STAU2: variants seen among roughly 807,000 people sequenced by gnomAD.
STAU2 encodes double-stranded RNA-binding protein Staufen homolog 2.
Under a neutral mutation model 65.9 loss-of-function variants are expected in STAU2, and 20 were observed. That is an observed-to-expected ratio of 0.30 (90% CI 0.21 to 0.44). The LOEUF (loss-of-function observed/expected upper bound fraction) is 0.44, where lower values mean the gene tolerates loss of function less well. STAU2 is among the 20% of genes least tolerant of loss of function. STAU2 has a pLI of 1.00. For missense variants in STAU2, 558 were observed against 683.9 expected, an observed-to-expected ratio of 0.82 and a Z score of 2.05; for synonymous variants, 232 against 233.9, an observed-to-expected ratio of 0.99 and a Z score of 0.07.
At chr8:73,686,787 G>C (rs1818861299) in intron 5 of STAU2, among the ~76,000 whole-genome samples, 1 of 151,380 alleles carries the variant, frequency 6.6e-6, no homozygotes, top group Non-Finnish European at 1.5e-5. Flanking sequence ...TATGCAATTA[G>C]AACAACTCTT....
chr8:73,674,974 C>T (rs1036926476), intron 5 of STAU2, among the ~76,000 whole-genome samples: 1 of 151,650 alleles, frequency 6.6e-6, no homozygotes, highest in African/African-American at 2.4e-5. Context: ...AAAGCCATAA[C>T]CCAACAACTG....
chr8:73,735,164 C>G (rs1396555375), intron 3 of STAU2, among the ~76,000 whole-genome samples: 1 of 152,172 alleles, frequency 6.6e-6, no homozygotes, highest in Admixed American at 6.5e-5. Flanking sequence ...ATCCTGGGCT[C>G]AAGCAATCCT....
intron 8 of STAU2, among the ~76,000 whole-genome samples, chr8:73,615,007 A>G (rs2129856776): frequency 6.6e-6 from 1 of 152,300 alleles, no homozygotes; most frequent in African/African-American, 2.4e-5. Flanking sequence ...GGAGCTTTCT[A>G]GTAGGTGAAT....
intron 6 of STAU2, among the ~76,000 whole-genome samples, chr8:73,661,082 G>C (rs745698049): frequency 1.3e-4 from 20 of 152,102 alleles, no homozygotes; most frequent in Non-Finnish European, 2.5e-4. Flanking sequence ...AACACTGTAA[G>C]GAAGCGTTAT....
At chr8:73,680,763 A>G (rs1345778427) in intron 5 of STAU2, among the ~76,000 whole-genome samples, 1 of 151,972 alleles carries the variant, frequency 6.6e-6, no homozygotes, top group Non-Finnish European at 1.5e-5. Context: ...AGAATCATAA[A>G]TAAAAAAGAG....
intron 13 of STAU2, among the ~76,000 whole-genome samples, chr8:73,514,386 G>A (rs1397924247): frequency 5.3e-5 from 8 of 152,146 alleles, no homozygotes; most frequent in Non-Finnish European, 2.9e-5. Context: ...ATGAAGAACG[G>A]CTCTTTGTTG....
intron 5 of STAU2, among the ~76,000 whole-genome samples, chr8:73,682,135 G>T (rs1019887814): frequency 6.6e-6 from 1 of 152,094 alleles, no homozygotes; most frequent in Non-Finnish European, 1.5e-5. Context: ...GGATTTAACA[G>T]ATATATACAG....
chr8:73,647,095 TGAG>T (rs1295700478), intron 6 of STAU2, among the ~76,000 whole-genome samples: 1 of 152,158 alleles, frequency 6.6e-6, no homozygotes, highest in African/African-American at 2.4e-5. Flanking sequence ...CTGTGGAGGA[TGAG>T]AAGAAACTGA....
chr8:73,739,365 GAC>G (rs1806670620), intron 2 of STAU2, among the ~76,000 whole-genome samples: 1 of 151,052 alleles, frequency 6.6e-6, no homozygotes, highest in African/African-American at 2.4e-5. Context: ...ATTATATACA[GAC>G]CTCTCCCCTA....
chr8:73,595,932 T>C (rs1811149342), intron 10 of STAU2, among the ~76,000 whole-genome samples: 3 of 151,934 alleles, frequency 2.0e-5, no homozygotes, highest in Admixed American at 6.6e-5. Context: ...GCCAATATGG[T>C]GAAACCCCGT....
intron 6 of STAU2, among the ~76,000 whole-genome samples, chr8:73,621,948 TC>T (rs1813271385): frequency 6.9e-6 from 1 of 143,974 alleles, no homozygotes; most frequent in East Asian, 2.1e-4. Context: ...TAGGTCTTTC[TC>T]TCTTTTTTTT....
chr8:73,637,917 G>A (rs1814668869), intron 6 of STAU2, among the ~76,000 whole-genome samples: 1 of 151,894 alleles, frequency 6.6e-6, no homozygotes, highest in African/African-American at 2.4e-5. Context: ...AGACCTATAT[G>A]GTTGCAGGGT....
rs1807258402 is a variant in STAU2, at chr8:73,550,526, G to A, written c.1530+1486C>T. 4 of 985,318 alleles carry A rather than the reference G, an allele frequency of 4.1e-6. No individual in the cohort carries two copies. The African/African-American group carries it at 7.0e-5, about 17-fold the overall frequency. The allele number at this position is 985,318 out of a possible 1,614,324, so 61.0% of individuals were successfully genotyped here. A position where few individuals can be genotyped will look rare whatever the true frequency, so the allele number is the denominator to read the frequency against. The stretch of plus-strand genomic sequence containing the variant: ...ACTCTCAGACATTTCTAAATGATTA[G>A]ATTCATAAATAAGCAGTTAATTTCT... On this transcript the variant is annotated intron_variant, in intron 13 of 14. Coordinates refer to ENST00000524300, the MANE Select transcript of STAU2 (RefSeq NM_001164380.2).
intron 7 of STAU2, among the ~76,000 whole-genome samples, chr8:73,617,026 T>C (rs185086394): frequency 1.2e-4 from 18 of 152,156 alleles, no homozygotes; most frequent in African/African-American, 3.9e-4. Context: ...TCAATAAACA[T>C]AGTATGAAAT....
rs1554589594 is a variant in STAU2, at chr8:73,436,568, T to TTTA, written c.1531-13867_1531-13866insTAA. On this transcript the variant is annotated intron_variant, in intron 13 of 14. Coordinates refer to ENST00000524300, the MANE Select transcript of STAU2 (RefSeq NM_001164380.2). ...ATGAATTATCAGTATTTTGCCAATT[T>TTTA]TTTATTTATTTATTTATTTATTTAT... Among the ~76,000 whole-genome samples, 31 of 141,468 alleles carry TTTA rather than the reference T, an allele frequency of 2.2e-4. No homozygotes were observed. The East Asian group carries it at 4.1e-3, about 19-fold the overall frequency. 92.8% of individuals were successfully genotyped at this position (141,468 alleles called of 152,430 possible). A position where few individuals can be genotyped will look rare whatever the true frequency, so the allele number is the denominator to read the frequency against.
chr8:73,522,061 A>C (rs1417677673), intron 13 of STAU2, among the ~76,000 whole-genome samples: 1 of 152,206 alleles, frequency 6.6e-6, no homozygotes, highest in Non-Finnish European at 1.5e-5. Context: ...CAATAAAACT[A>C]TCAACTAGAA....
At chr8:73,470,784 G>T (rs966737946) in intron 13 of STAU2, among the ~76,000 whole-genome samples, 1 of 151,372 alleles carries the variant, frequency 6.6e-6, no homozygotes, top group Admixed American at 6.6e-5. Flanking sequence ...AGCCTGGGCA[G>T]CAGAGTGAGA....
At chr8:73,480,063 A>G (rs1427479595) in intron 13 of STAU2, among the ~76,000 whole-genome samples, 1 of 152,060 alleles carries the variant, frequency 6.6e-6, no homozygotes, top group African/African-American at 2.4e-5. Context: ...CTTACTTAAA[A>G]GTCTTCCATT....
chr8:73,480,715 G>A (rs1197516270), intron 13 of STAU2, among the ~76,000 whole-genome samples: 3 of 152,094 alleles, frequency 2.0e-5, no homozygotes, highest in African/African-American at 7.2e-5. Flanking sequence ...CTTCTTTTAA[G>A]AAGCCTTTGC....
Sources: gnomAD v4.1 joint callset for allele counts (sites outside exome capture counted in the v4.1 genomes callset) on GRCh38, gnomAD v4.1.1 for gene constraint, MANE v1.5 for transcripts, NCBI Gene and HGNC (gene_info 2026-07-23, HGNC 2026-07-21) for gene names.